The following GALNT17 variants were observed in gnomAD, a reference collection of about 807,000 sequenced individuals.
The protein encoded by GALNT17 is polypeptide N-acetylgalactosaminyltransferase 17.
Under a neutral mutation model 63.7 loss-of-function variants are expected in GALNT17, and 29 were observed. The ratio of observed to expected loss-of-function variants is 0.46; its 90% confidence interval spans 0.34 to 0.62. The LOEUF (loss-of-function observed/expected upper bound fraction) is 0.62. GALNT17 is among the 20% of genes least tolerant of loss of function. GALNT17 has a pLI of 0.01. For missense variants in GALNT17, 603 were observed against 799.6 expected (o/e 0.75, Z 2.97); for synonymous variants, 305 against 318.3 (o/e 0.96, Z 0.45).
intron 2 of GALNT17, among the ~76,000 whole-genome samples, chr7:71,358,351 C>T (rs923672340): frequency 1.3e-5 from 2 of 152,194 alleles, no homozygotes; most frequent in East Asian, 1.9e-4. Context: ...GTCGAGATTG[C>T]GCCATTGCAC....
intron 5 of GALNT17, among the ~76,000 whole-genome samples, chr7:71,431,503 C>T (rs1377607407): frequency 1.3e-5 from 2 of 152,186 alleles, no homozygotes; most frequent in African/African-American, 4.8e-5. Context: ...AGCCACCGTA[C>T]CTGGCCAAGA....
At chr7:71,423,063 C>T (rs1786695151) in intron 5 of GALNT17, among the ~76,000 whole-genome samples, 1 of 152,198 alleles carries the variant, frequency 6.6e-6, no homozygotes, top group Non-Finnish European at 1.5e-5. Flanking sequence ...GTGTTCTGCT[C>T]CTCTCAACGT....
chr7:71,280,221 T>C (rs1009767032), intron 1 of GALNT17, among the ~76,000 whole-genome samples: 3 of 152,096 alleles, frequency 2.0e-5, no homozygotes, highest in Non-Finnish European at 2.9e-5. Context: ...CAAGGGACTT[T>C]ATTCATTCTG....
intron 5 of GALNT17, among the ~76,000 whole-genome samples, chr7:71,513,627 T>A (rs533247292): frequency 6.6e-6 from 1 of 152,172 alleles, no homozygotes; most frequent in Non-Finnish European, 1.5e-5. Context: ...CTCAAGTGAT[T>A]CGCCCACTTC....
intron 5 of GALNT17, among the ~76,000 whole-genome samples, chr7:71,468,079 G>A (rs536900882): frequency 1.1e-4 from 17 of 152,274 alleles, no homozygotes; most frequent in African/African-American, 4.1e-4. Flanking sequence ...CCAGGCTGGA[G>A]TGCAAAGGCG....
chr7:71,586,818 T>C (rs563148362), intron 6 of GALNT17, among the ~76,000 whole-genome samples: 32 of 152,230 alleles, frequency 2.1e-4, no homozygotes, highest in African/African-American at 7.2e-4. Context: ...ATCAAGTCAG[T>C]GTAATTGAGA....
At chr7:71,570,063 GTT>G (rs564920059) in intron 5 of GALNT17, among the ~76,000 whole-genome samples, 1 of 140,298 alleles carries the variant, frequency 7.1e-6, no homozygotes. Context: ...TTTTTTGGTT[GTT>G]TTTTTTTTTT....
intron 1 of GALNT17, among the ~76,000 whole-genome samples, chr7:71,276,660 C>A (rs1402159691): frequency 6.6e-6 from 1 of 152,160 alleles, no homozygotes; most frequent in African/African-American, 2.4e-5. Context: ...GAGGCCTCCC[C>A]AGCCATGTGT....
At chr7:71,547,167 T>TATA (rs1788999708) in intron 5 of GALNT17, among the ~76,000 whole-genome samples, 1 of 151,132 alleles carries the variant, frequency 6.6e-6, no homozygotes, top group South Asian at 2.1e-4. Context: ...TTATTATTAT[T>TATA]ATTATTATTA....
intron 1 of GALNT17, among the ~76,000 whole-genome samples, chr7:71,262,873 G>A (rs187420511): frequency 3.4e-4 from 51 of 150,892 alleles, no homozygotes; most frequent in African/African-American, 1.2e-3. Flanking sequence ...TAGAGATAGG[G>A]TTTCACTTTG....
At chr7:71,293,084 C>T (rs1791014209) in intron 1 of GALNT17, among the ~76,000 whole-genome samples, 1 of 151,852 alleles carries the variant, frequency 6.6e-6, no homozygotes. Context: ...GTATACACAC[C>T]CTGTTTTCTT....
intron 5 of GALNT17, among the ~76,000 whole-genome samples, chr7:71,552,008 C>CTTTT (rs1789085608): frequency 2.2e-5 from 2 of 92,542 alleles, no homozygotes; most frequent in African/African-American, 7.9e-5. Context: ...TCAGGTTGCT[C>CTTTT]TTTTTATTTA....
At chr7:71,496,736 C>A (rs1788101622) in intron 5 of GALNT17, among the ~76,000 whole-genome samples, 1 of 151,892 alleles carries the variant, frequency 6.6e-6, no homozygotes, top group Non-Finnish European at 1.5e-5. Flanking sequence ...CTCAATTGAA[C>A]CGGCCTAAAT....
intron 5 of GALNT17, among the ~76,000 whole-genome samples, chr7:71,482,388 G>A (rs951924302): frequency 2.0e-5 from 3 of 152,134 alleles, no homozygotes; most frequent in Non-Finnish European, 4.4e-5. Flanking sequence ...GACCTCATGT[G>A]ATCTGCCTGC....
intron 6 of GALNT17, among the ~76,000 whole-genome samples, chr7:71,587,064 G>C (rs1789729130): frequency 6.6e-6 from 1 of 151,838 alleles, no homozygotes; most frequent in Non-Finnish European, 1.5e-5. Context: ...AAGTCAATCT[G>C]TCACCCAGGC....
chr7:71,607,975 G>A (rs1390343678), intron 6 of GALNT17, among the ~76,000 whole-genome samples: 2 of 152,150 alleles, frequency 1.3e-5, no homozygotes, highest in Non-Finnish European at 2.9e-5. Context: ...TCTCATACCT[G>A]TAAAATCCAG....
At chr7:71,417,690 C>T (rs1786565578) in intron 4 of GALNT17, among the ~76,000 whole-genome samples, 1 of 152,178 alleles carries the variant, frequency 6.6e-6, no homozygotes, top group African/African-American at 2.4e-5. Context: ...TAATGGAAGC[C>T]TTCTGAAAAA....
chr7:71,583,046 T>C (rs1323104645), intron 6 of GALNT17, among the ~76,000 whole-genome samples: 7 of 152,240 alleles, frequency 4.6e-5, no homozygotes, highest in African/African-American at 1.7e-4. Flanking sequence ...CGAAATAATT[T>C]TGGGGAAAAT....
At chr7:71,656,520 C>T (rs571107541) in intron 6 of GALNT17, among the ~76,000 whole-genome samples, 1 of 152,140 alleles carries the variant, frequency 6.6e-6, no homozygotes, top group Admixed American at 6.5e-5. Flanking sequence ...CGGTGGGAGC[C>T]ATCGAAGTTT....
Sources: gnomAD v4.1 joint callset for allele counts (sites outside exome capture counted in the v4.1 genomes callset) on GRCh38, gnomAD v4.1.1 for gene constraint, MANE v1.5 for transcripts, NCBI Gene and HGNC (gene_info 2026-07-23, HGNC 2026-07-21) for gene names.